The following SEMA3B variants were observed in gnomAD, a reference collection of about 807,000 sequenced individuals.
The protein encoded by SEMA3B is semaphorin-3B.
A neutral mutation model predicts 77.8 loss-of-function variants in SEMA3B; 71 were observed. The observed-to-expected ratio is 0.91, with a 90% CI of 0.75 to 1.11. The LOEUF is 1.11. Ranked by LOEUF, SEMA3B falls within the 50% of genes most tolerant of loss-of-function variation. The pLI is 0.00. For synonymous variants in SEMA3B, 470 were observed against 452.9 expected, an observed-to-expected ratio of 1.04 and a Z score of -0.48; for missense variants, 968 against 1,056.8, an observed-to-expected ratio of 0.92 and a Z score of 1.17.
In SEMA3B at chr3:50,273,408, C is replaced by A; in HGVS notation, c.775C>A (p.Arg259Ser). Reference sequence around the variant, plus strand: ...GGTAGAGGCGGCGCCGGCACTGGGACGCCTGTCCGTGTCCCGCGTTGGCCA... The same window carrying A: ...GGTAGAGGCGGCGCCGGCACTGGGAAGCCTGTCCGTGTCCCGCGTTGGCCA... ...TAVEAAPALG[R>S]LSVSRVGQIC... Residue 259 changes from arginine (R) to serine (S), a missense_variant, in exon 7 of 17, where the codon CGC (arginine) becomes AGC (serine). Arg to Ser is a moderately radical substitution (Grantham distance 110). Transcript: ENST00000616701. This position sits in a 1 kb window ranked among gnomAD's most constrained non-coding sequence, Gnocchi z 6.5. 6.2e-7 allele frequency: 1 copy of A among 1,613,754 alleles called. No individual in the cohort carries two copies.
chr3:50,271,243 C>G, intron 5 of SEMA3B, 62 bp downstream of exon 5: 1 of 1,546,926 alleles, frequency 6.5e-7, no homozygotes, highest in Non-Finnish European at 8.7e-7. Context: ...TCACAAAGTC[C>G]CAAGACCCCC....
intron 6 of SEMA3B, 98 bp downstream of exon 6, chr3:50,271,578 A>G (rs1553705411): frequency 7.3e-6 from 11 of 1,500,856 alleles, no homozygotes; most frequent in Non-Finnish European, 9.0e-6. Flanking sequence ...GGGTGTGGCC[A>G]GGTCTTACCA....
chr3:50,262,799 G>A (rs1370714906), upstream of SEMA3B, among the ~76,000 whole-genome samples: 1 of 152,226 alleles, frequency 6.6e-6, no homozygotes, highest in Admixed American at 6.5e-5. Context: ...CTGGGACAGG[G>A]TTAAGGGGTG....
chr3:50,270,512 C>T lies in SEMA3B; in HGVS notation c.330+17C>T, dbSNP rs587709738. On this transcript the variant is annotated intron_variant, in intron 3 of 16. Coordinates refer to ENST00000616701, the MANE Select transcript of SEMA3B (RefSeq NM_001290060.2). This position sits in a 1 kb window ranked among gnomAD's most constrained non-coding sequence, Gnocchi z 4.7. ...GACATTGGTGTGAGTGCCAGCTGCCCGGGCCGGGAGTGGGGAGGGTCAGCC... is the reference window on the plus strand; with the variant it reads ...GACATTGGTGTGAGTGCCAGCTGCCTGGGCCGGGAGTGGGGAGGGTCAGCC... The T allele has an allele frequency of 4.3e-6, 7 of 1,613,296 alleles. No homozygotes were observed. The highest frequency in any genetic ancestry group is 4.5e-5 in the East Asian group (2 of 44,864).
chr3:50,274,780 A>G lies in SEMA3B; in HGVS notation c.1358-63A>G, dbSNP rs1575473180. On this transcript the variant is annotated intron_variant, in intron 11 of 16. Transcript: ENST00000616701. The surrounding 1 kb of genome is among the most constrained non-coding windows in gnomAD (Gnocchi z 4.7). ...GCTGAGGGTAGACGCCTCAAAGGCG[A>G]GGAGACACTAGCCCCAGCTGTCCGG... The G allele has an allele frequency of 1.3e-6, 2 of 1,558,094 alleles. No individual in the cohort carries two copies. Among genetic ancestry groups the G allele is most frequent in the Non-Finnish European group, 1.8e-6 (2 of 1,141,222 alleles).
chr3:50,275,844 GGT>G lies in SEMA3B; in HGVS notation c.1845+2_1845+3del, dbSNP rs782687219. 6.3e-7 allele frequency: 1 copy of G among 1,595,186 alleles called. No homozygotes were observed. Among genetic ancestry groups the G allele is most frequent in the Non-Finnish European group, 8.5e-7 (1 of 1,173,714 alleles). On this transcript the variant is annotated splice_donor_variant, in intron 16 of 16. Transcript: ENST00000616701. LOFTEE classifies it high-confidence loss of function. The surrounding 1 kb of genome is among the most constrained non-coding windows in gnomAD (Gnocchi z 7.5). ...GCGCAGGGGTGACAGCCCACACCCA[GGT>G]GAGCCTTACTCCGCCCTCCCCGCCA...
At chr3:50,271,522 C>G in intron 6 of SEMA3B, 42 bp downstream of exon 6, 2 of 1,550,902 alleles carry the variant, frequency 1.3e-6, no homozygotes, top group Non-Finnish European at 1.7e-6. Context: ...TCGTCACCCT[C>G]CCACAGGGCA....
chr3:50,265,220 G>T (rs1487493002), upstream of SEMA3B, among the ~76,000 whole-genome samples: 4 of 152,284 alleles, frequency 2.6e-5, no homozygotes, highest in Non-Finnish European at 4.4e-5. Context: ...GCCCACGCCT[G>T]CCCCCACTGT....
upstream of SEMA3B, chr3:50,269,082 C>T: frequency 1.6e-6 from 1 of 611,810 alleles, no homozygotes; most frequent in African/African-American, 1.9e-5. The surrounding 1 kb of genome is among the most constrained non-coding windows in gnomAD (Gnocchi z 4.0). Flanking sequence ...GCCTCTTTCC[C>T]CTAGGGGCTG....
In SEMA3B at chr3:50,271,374, C is replaced by T. The variant is rs1553705361; in HGVS notation, c.558C>T (p.Tyr186=). Residue 186 remains tyrosine, a synonymous_variant, in exon 6 of 17, where the codon TAC becomes TAT. Coordinates refer to ENST00000616701, the MANE Select transcript of SEMA3B (RefSeq NM_001290060.2). ...CTCTGTCTGCAGGGGAGGAGCTATA[C>T]TCAGGGGTGGCAGCAGACCTCATGG... is the stretch of plus-strand genomic sequence containing the variant. ...AASVLVGEEL[Y]SGVAADLMGR... The T allele has an allele frequency of 6.3e-7, 1 of 1,582,086 alleles. No individual in the cohort carries two copies. The highest frequency in any genetic ancestry group is 1.8e-5 in the Admixed American group (1 of 54,998).
chr3:50,274,492 C>T lies in SEMA3B; in HGVS notation c.1267C>T (p.Gln423Ter), dbSNP rs776500483. The T allele has an allele frequency of 3.8e-6, 6 of 1,562,562 alleles. No homozygotes were observed. Among genetic ancestry groups the T allele is most frequent in the African/African-American group, 1.4e-5 (1 of 73,076 alleles). Residue 423 changes from glutamine to a stop codon, truncating the protein, a stop_gained, in exon 11 of 17, where the codon CAA becomes TAA. Coordinates refer to ENST00000616701, the MANE Select transcript of SEMA3B (RefSeq NM_001290060.2). LOFTEE classifies it high-confidence loss of function. This position sits in a 1 kb window ranked among gnomAD's most constrained non-coding sequence, Gnocchi z 4.7. ...LPTGGRPLFL[Q>*]VGANYTFTQI... ...CACTGGGGGGCGCCCTCTTTTCCTA[C>T]AAGTTGGAGCCAATTACACCTTCAC...
Position 50,275,825 on chromosome 3 carries a change from G to A in SEMA3B, c.1826G>A (p.Gly609Glu). 1 of 1,606,714 alleles carries A rather than the reference G, an allele frequency of 6.2e-7. No individual in the cohort carries two copies. The highest frequency in any genetic ancestry group is 8.5e-7 in the Non-Finnish European group (1 of 1,178,516). ...ARVEWTFQRA[G>E]VTAHTQVLAE... is the part of the protein sequence containing the mutation. ...GTGGAGTGGACTTTCCAGCGCGCAG[G>A]GGTGACAGCCCACACCCAGGTGAGC... The change falls in exon 16 of 17, where the codon GGG becomes GAG. Residue 609 changes from glycine to glutamate, a missense_variant. Gly to Glu is a moderately conservative substitution (Grantham distance 98). Coordinates refer to ENST00000616701, the MANE Select transcript of SEMA3B (RefSeq NM_001290060.2). The surrounding 1 kb of genome is among the most constrained non-coding windows in gnomAD (Gnocchi z 7.5).
chr3:50,271,199 G>C lies in SEMA3B; in HGVS notation c.544+18G>C. The C allele has an allele frequency of 6.4e-7, 1 of 1,557,496 alleles. No individual in the cohort carries two copies. The highest frequency in any genetic ancestry group is 8.7e-7 in the Non-Finnish European group (1 of 1,150,848). On this transcript the variant is annotated intron_variant, in intron 5 of 16. Transcript: ENST00000616701. ...GCTGGTGGGTGAGTCCAAGGGCTAA[G>C]GCCCCAAGAGAACCCCTTAGAAACT...
rs781914058 is a variant in SEMA3B, at chr3:50,274,822, T to C, written c.1358-21T>C. 6.2e-7 allele frequency: 1 copy of C among 1,608,238 alleles called. No individual in the cohort carries two copies. The highest frequency in any genetic ancestry group is 8.5e-7 in the Non-Finnish European group (1 of 1,178,492). On this transcript the variant is annotated intron_variant, in intron 11 of 16. Coordinates refer to ENST00000616701, the MANE Select transcript of SEMA3B (RefSeq NM_001290060.2). This position sits in a 1 kb window ranked among gnomAD's most constrained non-coding sequence, Gnocchi z 4.7. ...GCTGTCCGGGAGCACCAATGGTCAT[T>C]ACCCCTTCTCATCCCTGCAGACGTT...
intron 6 of SEMA3B, among the ~76,000 whole-genome samples, chr3:50,272,315 C>T (rs1340919922): frequency 6.6e-6 from 1 of 152,164 alleles, no homozygotes; most frequent in Non-Finnish European, 1.5e-5. Context: ...TGGCTCACAC[C>T]TGTAATCTCA....
upstream of SEMA3B, chr3:50,266,665 C>T (rs1553704532): frequency 1.3e-5 from 2 of 152,240 alleles, no homozygotes; most frequent in African/African-American, 2.4e-5. Context: ...TATATTCACT[C>T]AGGTGGACTT....
rs1701254815 is a variant in SEMA3B, at chr3:50,276,524, C to A, written c.2068C>A (p.Arg690=). 2.0e-6 allele frequency: 3 copies of A among 1,534,884 alleles called. No individual in the cohort carries two copies. Among genetic ancestry groups the A allele is most frequent in the Non-Finnish European group, 2.6e-6 (3 of 1,145,416 alleles). Residue 690 remains arginine (R), a synonymous_variant, in exon 17 of 17, where the codon CGG becomes AGG. Transcript: ENST00000616701. The surrounding 1 kb of genome is among the most constrained non-coding windows in gnomAD (Gnocchi z 5.8). ...GCCGCCGGGCCCCAAACTCTGGTAC[C>A]GGGACTTTCTGCAGCTGGTGGAGCC... ...AAPPGPKLWY[R]DFLQLVEPGG... is the part of the protein sequence containing the mutation.
chr3:50,263,575 C>T (rs1472944477), upstream of SEMA3B, among the ~76,000 whole-genome samples: 3 of 151,666 alleles, frequency 2.0e-5, no homozygotes, highest in African/African-American at 7.3e-5. Context: ...GCCTGCAATC[C>T]CGCCAAACTT....
Position 50,273,942 on chromosome 3 carries a change from T to C in SEMA3B, c.1022T>C (p.Val341Ala). ...SSIFQGSAVC[V>A]YSMNDVRRAF... ...ATCTTCCAGGGCTCTGCGGTGTGCG[T>C]GTACAGCATGAACGACGTGCGCCGG... The change falls in exon 10 of 17, where the codon GTG becomes GCG. Residue 341 changes from valine to alanine, a missense_variant. Val to Ala is a moderately conservative substitution (Grantham distance 64). Coordinates refer to ENST00000616701, the MANE Select transcript of SEMA3B (RefSeq NM_001290060.2). The surrounding 1 kb of genome is among the most constrained non-coding windows in gnomAD (Gnocchi z 6.5). The C allele has an allele frequency of 6.2e-7, 1 of 1,613,160 alleles. No homozygotes were observed. Among genetic ancestry groups the C allele is most frequent in the Non-Finnish European group, 8.5e-7 (1 of 1,179,380 alleles).
Sources: allele counts gnomAD v4.1 joint callset (sites outside exome capture counted in the v4.1 genomes callset), GRCh38; gene constraint gnomAD v4.1.1; non-coding constraint Gnocchi (gnomAD v3.1); transcripts MANE v1.5; gene names NCBI Gene and HGNC (gene_info 2026-07-23, HGNC 2026-07-21).